Variants in PRKCA observed in about 807,000 individuals in gnomAD.
PRKCA encodes protein kinase C alpha type.
In PRKCA, 27 loss-of-function variants were observed where a neutral mutation model predicts 87.0. The ratio of observed to expected loss-of-function variants is 0.31; its 90% confidence interval spans 0.23 to 0.43. PRKCA has a LOEUF of 0.43. PRKCA is among the 20% of genes least tolerant of loss of function. The probability of loss-of-function intolerance (pLI) is 1.00; values close to 1 mark genes in which losing one functional copy is unlikely to be tolerated. For synonymous variants in PRKCA, 329 were observed against 311.1 expected, an observed-to-expected ratio of 1.06 and a Z score of -0.61; for missense variants, 518 against 852.3, an observed-to-expected ratio of 0.61 and a Z score of 4.88.
chr17:66,579,512 G>A (rs1399528414), intron 3 of PRKCA, among the ~76,000 whole-genome samples: 1 of 152,186 alleles, frequency 6.6e-6, no homozygotes, highest in Non-Finnish European at 1.5e-5. Context: ...ATACGACACT[G>A]CAAGAAAGGT....
Position 66,474,518 on chromosome 17 carries a change from A to G in PRKCA, c.206-21683A>G, listed in dbSNP as rs1362953661. ...AGGGTGGCAGTGTGCTTAGGGCTCC[A>G]GAAGAGTTTAATCATTGTAATGAAT... On this transcript the variant is annotated intron_variant, in intron 2 of 16. Coordinates refer to ENST00000413366, the MANE Select transcript of PRKCA (RefSeq NM_002737.3). Among the ~76,000 whole-genome samples the G allele has an allele frequency of 7.2e-5, 11 of 152,210 alleles. No homozygotes were observed. In the East Asian group the frequency reaches 2.1e-3, roughly 29 times the overall value.
chr17:66,778,771 G>C (rs567925612), intron 14 of PRKCA, among the ~76,000 whole-genome samples: 2 of 150,418 alleles, frequency 1.3e-5, no homozygotes, highest in Non-Finnish European at 3.0e-5. Context: ...AGCCCGGGGG[G>C]TCAAGGCTAG....
At chr17:66,781,868 G>GATATATATATATATATAT (rs1201713784) in intron 14 of PRKCA, among the ~76,000 whole-genome samples, 17 of 99,304 alleles carry the variant, frequency 1.7e-4, no homozygotes, top group African/African-American at 6.1e-4. Flanking sequence ...GAGAGAGAGA[G>GATATATATATATATATAT]ATATATATAT....
intron 8 of PRKCA, among the ~76,000 whole-genome samples, chr17:66,731,351 G>GGAAAAAAAAAA (rs548166884): frequency 8.9e-6 from 1 of 112,466 alleles, no homozygotes; most frequent in African/African-American, 3.8e-5. Context: ...CTCCGTCTCA[G>GGAAAAAAAAAA]AAAAAAAAAA....
intron 2 of PRKCA, among the ~76,000 whole-genome samples, chr17:66,397,893 A>G (rs992886631): frequency 6.6e-6 from 1 of 152,164 alleles, no homozygotes; most frequent in Non-Finnish European, 1.5e-5. Flanking sequence ...GGAGCTCCTC[A>G]GGATAAGGCT....
intron 2 of PRKCA, among the ~76,000 whole-genome samples, chr17:66,477,347 T>A (rs1455330390): frequency 6.6e-6 from 1 of 152,222 alleles, no homozygotes; most frequent in Non-Finnish European, 1.5e-5. Context: ...TTAACAAGCC[T>A]ACCCAAGGGT....
At chr17:66,615,768 G>C (rs1056997676) in intron 3 of PRKCA, among the ~76,000 whole-genome samples, 3 of 152,084 alleles carry the variant, frequency 2.0e-5, no homozygotes, top group African/African-American at 7.2e-5. Flanking sequence ...CTTGGGCCTG[G>C]TCAGGGTTTC....
chr17:66,610,321 C>G (rs1332108093), intron 3 of PRKCA, among the ~76,000 whole-genome samples: 1 of 152,224 alleles, frequency 6.6e-6, no homozygotes, highest in Non-Finnish European at 1.5e-5. Flanking sequence ...CCACCATCAA[C>G]AGAGCTTTCT....
intron 2 of PRKCA, among the ~76,000 whole-genome samples, chr17:66,408,425 C>G (rs1911545701): frequency 6.6e-6 from 1 of 152,114 alleles, no homozygotes. Context: ...GCTTTGAAAA[C>G]TAGTTTGTAA....
intron 14 of PRKCA, chr17:66,774,586 A>C (rs1303674260): frequency 1.1e-5 from 11 of 972,366 alleles, no homozygotes; most frequent in African/African-American, 1.8e-5. Context: ...GTGCCACTGC[A>C]CTGCAGCCTG....
chr17:66,694,608 C>T (rs760319559), intron 8 of PRKCA, among the ~76,000 whole-genome samples: 10 of 149,180 alleles, frequency 6.7e-5, no homozygotes, highest in South Asian at 2.1e-4. Context: ...ACAACAGAAA[C>T]GTCACAGTTG....
chr17:66,542,641 G>A (rs748249062), intron 3 of PRKCA, among the ~76,000 whole-genome samples: 6 of 152,242 alleles, frequency 3.9e-5, no homozygotes, highest in Non-Finnish European at 7.3e-5. Context: ...ACTGATAGTC[G>A]GAAGGGATTC....
At chr17:66,341,509 T>C (rs1381892206) in intron 2 of PRKCA, among the ~76,000 whole-genome samples, 3 of 152,230 alleles carry the variant, frequency 2.0e-5, no homozygotes, top group African/African-American at 7.2e-5. Context: ...AGCTGTGCCT[T>C]GCACTGTGTA....
intron 2 of PRKCA, among the ~76,000 whole-genome samples, chr17:66,402,353 A>G (rs746716665): frequency 6.6e-6 from 1 of 151,282 alleles, no homozygotes; most frequent in African/African-American, 2.4e-5. Context: ...TAGAGTGACT[A>G]TGGAGTACTC....
intron 13 of PRKCA, among the ~76,000 whole-genome samples, chr17:66,746,343 T>G (rs1474399340): frequency 1.3e-5 from 2 of 151,928 alleles, no homozygotes; most frequent in Non-Finnish European, 2.9e-5. Context: ...TGCTAGCATT[T>G]TTTCCTCATA....
At chr17:66,640,849 TAGG>T (rs1329864627) in intron 3 of PRKCA, 1 of 414,812 alleles carries the variant, frequency 2.4e-6, no homozygotes, top group African/African-American at 2.1e-5. Flanking sequence ...AGAGGAAACA[TAGG>T]TATTCATTAT....
chr17:66,643,022 CAA>C (rs999697704), intron 4 of PRKCA, among the ~76,000 whole-genome samples: 16 of 152,070 alleles, frequency 1.1e-4, no homozygotes, highest in Admixed American at 5.9e-4. Flanking sequence ...CCTGGGCAAA[CAA>C]GAGTGAAACT....
intron 3 of PRKCA, among the ~76,000 whole-genome samples, chr17:66,550,539 C>G (rs1053502913): frequency 6.6e-6 from 1 of 152,066 alleles, no homozygotes; most frequent in Admixed American, 6.6e-5. Context: ...GTCTCAGCTA[C>G]TCGGGAGGCT....
At chr17:66,663,875 T>G (rs1352563222) in intron 5 of PRKCA, among the ~76,000 whole-genome samples, 5 of 150,278 alleles carry the variant, frequency 3.3e-5, no homozygotes, top group Non-Finnish European at 7.4e-5. Context: ...TTTTGGGGTT[T>G]TTTTTTTTTT....
Sources: allele counts gnomAD v4.1 joint callset (sites outside exome capture counted in the v4.1 genomes callset), GRCh38; gene constraint gnomAD v4.1.1; transcripts MANE v1.5; gene names NCBI Gene and HGNC (gene_info 2026-07-23, HGNC 2026-07-21).